CSMD1: variants seen among roughly 807,000 people sequenced by gnomAD.
CSMD1 encodes the protein CUB and Sushi multiple domains 1.
Under a neutral mutation model 417.5 loss-of-function variants are expected in CSMD1, and 213 were observed. That is an observed-to-expected ratio of 0.51 (90% CI 0.46 to 0.57). The LOEUF (loss-of-function observed/expected upper bound fraction) is 0.57. Ranked by LOEUF, CSMD1 falls within the 20% of genes least tolerant of loss-of-function variation. The pLI, the probability that CSMD1 is intolerant of heterozygous loss-of-function variation, is 0.00. For missense variants in CSMD1, 6,923 were observed against 4,529.7 expected, an observed-to-expected ratio of 1.53 and a Z score of -15.17; for synonymous variants, 2,862 against 1,736.8, an observed-to-expected ratio of 1.65 and a Z score of -16.11.
intron 9 of CSMD1, among the ~76,000 whole-genome samples, chr8:3,576,373 C>CTCT (rs56757054): frequency 6.6e-6 from 1 of 151,766 alleles, no homozygotes; most frequent in Non-Finnish European, 1.5e-5. Flanking sequence ...TGAGATCTCT[C>CTCT]CTAAATGGTT....
chr8:3,755,046 T>C (rs1277250095), intron 5 of CSMD1, among the ~76,000 whole-genome samples: 1 of 152,258 alleles, frequency 6.6e-6, no homozygotes, highest in Non-Finnish European at 1.5e-5. Flanking sequence ...ACGTGCAGTT[T>C]AGTTGTCAGA....
chr8:3,801,915 G>A (rs777436883), intron 5 of CSMD1, among the ~76,000 whole-genome samples: 2 of 151,990 alleles, frequency 1.3e-5, no homozygotes, highest in African/African-American at 4.8e-5. Flanking sequence ...CAATGCCTAG[G>A]GTATAGGGTG....
intron 7 of CSMD1, among the ~76,000 whole-genome samples, chr8:3,628,784 C>T (rs1208423008): frequency 6.6e-6 from 1 of 152,166 alleles, no homozygotes; most frequent in African/African-American, 2.4e-5. Context: ...TTATTAGTGG[C>T]TTCCTAGTTT....
intron 5 of CSMD1, among the ~76,000 whole-genome samples, chr8:3,881,730 A>T (rs1260808310): frequency 6.6e-6 from 1 of 152,170 alleles, no homozygotes; most frequent in Non-Finnish European, 1.5e-5. Context: ...TTACACTACC[A>T]GTTATCAAAA....
intron 5 of CSMD1, among the ~76,000 whole-genome samples, chr8:3,840,905 C>T (rs146800554): frequency 6.6e-6 from 1 of 151,924 alleles, no homozygotes; most frequent in Non-Finnish European, 1.5e-5. Context: ...CGAGGTTTCA[C>T]CATATCGGTC....
At chr8:4,411,649 T>G (rs556396826) in intron 3 of CSMD1, among the ~76,000 whole-genome samples, 30 of 152,244 alleles carry the variant, frequency 2.0e-4, no homozygotes, top group African/African-American at 6.7e-4. Flanking sequence ...TTCTCAAACC[T>G]AATTTATTTT....
intron 3 of CSMD1, among the ~76,000 whole-genome samples, chr8:4,084,112 C>G (rs1025950999): frequency 2.0e-5 from 3 of 152,028 alleles, no homozygotes; most frequent in Admixed American, 2.0e-4. Context: ...AAAGGTAAAA[C>G]CACAATATGT....
chr8:4,539,893 T>C (rs987762592), intron 2 of CSMD1, among the ~76,000 whole-genome samples: 7 of 152,078 alleles, frequency 4.6e-5, no homozygotes, highest in African/African-American at 1.4e-4. Flanking sequence ...CCCAGAGAGG[T>C]TGGGTGTGCG....
intron 2 of CSMD1, among the ~76,000 whole-genome samples, chr8:4,458,391 C>G (rs193102232): frequency 3.0e-4 from 45 of 152,020 alleles, no homozygotes; most frequent in African/African-American, 1.1e-3. Flanking sequence ...AAAGTTATTA[C>G]AAGTTTATGG....
At chr8:4,054,843 C>T (rs1273186370) in intron 3 of CSMD1, among the ~76,000 whole-genome samples, 1 of 152,154 alleles carries the variant, frequency 6.6e-6, no homozygotes, top group East Asian at 1.9e-4. Flanking sequence ...CAGCAGCCCA[C>T]TGTTTGGAGA....
intron 20 of CSMD1, 133 bp from the exon 21 acceptor site, chr8:3,359,473 T>C (rs959182969): frequency 4.5e-6 from 3 of 665,050 alleles, no homozygotes; most frequent in South Asian, 2.4e-5. Context: ...CAAACACTTA[T>C]AACTGTTACG....
At chr8:3,988,281 A>G (rs1044473361) in intron 5 of CSMD1, among the ~76,000 whole-genome samples, 10 of 152,206 alleles carry the variant, frequency 6.6e-5, no homozygotes, top group African/African-American at 1.4e-4. Context: ...GAAGGCCATT[A>G]TAAACATCAC....
intron 3 of CSMD1, among the ~76,000 whole-genome samples, chr8:4,350,747 T>C (rs1257152018): frequency 1.3e-5 from 2 of 152,186 alleles, no homozygotes; most frequent in African/African-American, 4.8e-5. Flanking sequence ...CTTCTCTAAA[T>C]CCAGTGGCAG....
At chr8:3,658,862 T>A (rs1423542502) in intron 7 of CSMD1, among the ~76,000 whole-genome samples, 1 of 152,212 alleles carries the variant, frequency 6.6e-6, no homozygotes, top group Non-Finnish European at 1.5e-5. Context: ...TTCTCCTAAT[T>A]CCAGGGGATG....
intron 5 of CSMD1, among the ~76,000 whole-genome samples, chr8:3,846,094 A>G (rs1025025093): frequency 3.3e-5 from 5 of 152,114 alleles, no homozygotes; most frequent in Admixed American, 6.5e-5. Context: ...GTAGACTTCT[A>G]TAATAAAAAG....
chr8:3,437,614 C>G (rs1005967588), intron 12 of CSMD1, among the ~76,000 whole-genome samples: 9 of 152,142 alleles, frequency 5.9e-5, no homozygotes, highest in African/African-American at 2.2e-4. Flanking sequence ...AGAGTAGATT[C>G]TCTTCTTTAC....
At chr8:3,163,996 G>A (rs970916988) in intron 37 of CSMD1, among the ~76,000 whole-genome samples, 1 of 152,160 alleles carries the variant, frequency 6.6e-6, no homozygotes, top group Admixed American at 6.5e-5. Flanking sequence ...CTGGATGATG[G>A]AGCCTGTAAG....
chr8:4,035,387 T>C (rs1447909632), intron 3 of CSMD1, among the ~76,000 whole-genome samples: 2 of 152,182 alleles, frequency 1.3e-5, no homozygotes, highest in Non-Finnish European at 1.5e-5. Flanking sequence ...GTGTGCTTCT[T>C]CTACTAAAAA....
chr8:4,913,460 C>T (rs927101606), intron 1 of CSMD1, among the ~76,000 whole-genome samples: 1 of 152,084 alleles, frequency 6.6e-6, no homozygotes, highest in Non-Finnish European at 1.5e-5. Flanking sequence ...CTATTAATGG[C>T]CATTGTCCAT....
Sources: allele counts gnomAD v4.1 joint callset (sites outside exome capture counted in the v4.1 genomes callset), GRCh38; gene constraint gnomAD v4.1.1; transcripts MANE v1.5; gene names NCBI Gene and HGNC (gene_info 2026-07-23, HGNC 2026-07-21).